CELF2: variants seen among roughly 807,000 people sequenced by gnomAD.
The protein encoded by CELF2 is CUG triplet repeat RNA-binding protein 2.
Under a neutral mutation model 62.6 loss-of-function variants are expected in CELF2, and 8 were observed. That is an observed-to-expected ratio of 0.13 (90% CI 0.07 to 0.23). The LOEUF (loss-of-function observed/expected upper bound fraction) is 0.23, where lower values mean the gene tolerates loss of function less well. CELF2 is among the 10% of genes least tolerant of loss of function. CELF2 has a pLI of 1.00. For missense variants in CELF2, 333 were observed against 671.0 expected (o/e 0.50, Z 5.56); for synonymous variants, 258 against 250.0 (o/e 1.03, Z -0.30).
chr10:10,791,159 G>C, the CELF2 span, among the ~76,000 whole-genome samples: 3 of 151,964 alleles, frequency 2.0e-5, no homozygotes. Context: ...CAATTGTTTA[G>C]TGATCTAAAA....
the CELF2 span, among the ~76,000 whole-genome samples, chr10:10,663,858 GTCA>G: frequency 1.8e-4 from 27 of 152,294 alleles, 1 homozygote; most frequent in South Asian, 2.1e-3. Context: ...TCTTCAGTAT[GTCA>G]TCGTCAGTTT....
At chr10:11,155,956 AT>A (rs1461165220) in intron 1 of CELF2, among the ~76,000 whole-genome samples, 1 of 152,248 alleles carries the variant, frequency 6.6e-6, no homozygotes, top group Non-Finnish European at 1.5e-5. Context: ...TCTGCCATTG[AT>A]AGATGATAAA....
At chr10:10,547,787 G>C in the CELF2 span, among the ~76,000 whole-genome samples, 3 of 149,424 alleles carry the variant, frequency 2.0e-5, no homozygotes, top group Admixed American at 2.0e-4. Flanking sequence ...TCATCAAATA[G>C]GTAAAAGTAT....
the CELF2 span, among the ~76,000 whole-genome samples, chr10:10,536,086 C>G: frequency 6.7e-6 from 1 of 148,220 alleles, no homozygotes; most frequent in East Asian, 2.0e-4. Flanking sequence ...GTGGTGCGAT[C>G]TCGACTCATT....
intron 3 of CELF2, among the ~76,000 whole-genome samples, chr10:11,233,955 G>A (rs1437667893): frequency 6.6e-6 from 1 of 152,242 alleles, no homozygotes; most frequent in Admixed American, 6.5e-5. Flanking sequence ...ACAGGCATAT[G>A]TGAACATTGC....
At chr10:10,835,712 G>T (rs1263670715) in intron 1 of CELF2, among the ~76,000 whole-genome samples, 1 of 152,154 alleles carries the variant, frequency 6.6e-6, no homozygotes, top group Non-Finnish European at 1.5e-5. Flanking sequence ...TGTGTGCATG[G>T]TTATTGTGTA....
At chr10:11,195,516 AGCAATGTCACTAAG>A (rs1421597833) in intron 2 of CELF2, among the ~76,000 whole-genome samples, 1 of 152,238 alleles carries the variant, frequency 6.6e-6, no homozygotes, top group Non-Finnish European at 1.5e-5. Flanking sequence ...TCTTGTAGAA[AGCAATGTCACTAAG>A]GCAGTGTCAC....
At chr10:11,182,383 C>T (rs1019966056) in intron 2 of CELF2, among the ~76,000 whole-genome samples, 49 of 152,166 alleles carry the variant, frequency 3.2e-4, no homozygotes, top group Admixed American at 2.7e-3. Context: ...CCAAGACATA[C>T]GACCCTTTTA....
At chr10:10,756,512 A>G in the CELF2 span, among the ~76,000 whole-genome samples, 1 of 152,224 alleles carries the variant, frequency 6.6e-6, no homozygotes, top group Non-Finnish European at 1.5e-5. Context: ...AATCTATGCC[A>G]TATCATATAT....
At chr10:10,838,111 C>T (rs1316364711) in intron 1 of CELF2, among the ~76,000 whole-genome samples, 1 of 152,130 alleles carries the variant, frequency 6.6e-6, no homozygotes, top group Non-Finnish European at 1.5e-5. Flanking sequence ...GGGACAGTTG[C>T]TTAGACCTCC....
At chr10:10,735,765 T>C in the CELF2 span, among the ~76,000 whole-genome samples, 1 of 152,230 alleles carries the variant, frequency 6.6e-6, no homozygotes, top group African/African-American at 2.4e-5. Flanking sequence ...AGCATCTTCC[T>C]AGGATATTTA....
intron 1 of CELF2, among the ~76,000 whole-genome samples, chr10:10,872,168 C>G (rs1386894407): frequency 1.3e-5 from 2 of 152,138 alleles, no homozygotes; most frequent in African/African-American, 2.4e-5. Flanking sequence ...TGGTTGGAAT[C>G]TTTTTGGCAA....
At chr10:10,833,741 G>T (rs981846933) in intron 1 of CELF2, among the ~76,000 whole-genome samples, 2 of 152,232 alleles carry the variant, frequency 1.3e-5, no homozygotes, top group Non-Finnish European at 2.9e-5. Flanking sequence ...CTAGAGAAAT[G>T]CAAATCAAAA....
the CELF2 span, among the ~76,000 whole-genome samples, chr10:10,488,162 T>G: frequency 1.1e-4 from 17 of 152,298 alleles, no homozygotes; most frequent in African/African-American, 3.8e-4. Flanking sequence ...TTTGAAGTAT[T>G]AGTTAAGGAT....
the CELF2 span, among the ~76,000 whole-genome samples, chr10:10,649,818 C>T: frequency 6.6e-6 from 1 of 152,138 alleles, no homozygotes; most frequent in African/African-American, 2.4e-5. Context: ...CGATTGTGCC[C>T]ACTTGCTTTC....
intron 8 of CELF2, among the ~76,000 whole-genome samples, chr10:11,283,939 G>A (rs2090030844): frequency 6.6e-6 from 1 of 151,546 alleles, no homozygotes; most frequent in African/African-American, 2.4e-5. Flanking sequence ...AGTGTGTGGT[G>A]GGTGGATGAG....
intron 1 of CELF2, among the ~76,000 whole-genome samples, chr10:11,040,589 G>T (rs1258774092): frequency 6.6e-5 from 10 of 151,974 alleles, no homozygotes; most frequent in Admixed American, 6.6e-4. Flanking sequence ...CTGTGTAATG[G>T]TTTTTGTTGT....
At chr10:10,651,375 C>A in the CELF2 span, among the ~76,000 whole-genome samples, 1 of 148,524 alleles carries the variant, frequency 6.7e-6, no homozygotes, top group African/African-American at 2.5e-5. Flanking sequence ...CACCACAGCT[C>A]AAGGAGGCCT....
At chr10:11,036,378 G>A (rs918523162) in intron 1 of CELF2, among the ~76,000 whole-genome samples, 6 of 152,182 alleles carry the variant, frequency 3.9e-5, no homozygotes, top group Non-Finnish European at 7.4e-5. Context: ...TCTATTAATC[G>A]TTAATTACTT....
Sources: gnomAD v4.1 joint callset for allele counts (sites outside exome capture counted in the v4.1 genomes callset) on GRCh38, gnomAD v4.1.1 for gene constraint, MANE v1.5 for transcripts, NCBI Gene and HGNC (gene_info 2026-07-23, HGNC 2026-07-21) for gene names.